Variants in NCKAP5 observed in about 807,000 individuals in gnomAD.
The protein encoded by NCKAP5 is NCK associated protein 5, also known as nck-associated protein 5.
NCKAP5 carries 92 observed loss-of-function variants against 167.0 expected under a neutral mutation model. That is an observed-to-expected ratio of 0.55 (90% CI 0.47 to 0.66). The LOEUF (loss-of-function observed/expected upper bound fraction) is 0.66. Ranked by LOEUF, NCKAP5 falls within the 30% of genes least tolerant of loss-of-function variation. The pLI is 0.00. For synonymous variants in NCKAP5, 891 were observed against 877.4 expected, an observed-to-expected ratio of 1.02 and a Z score of -0.27; for missense variants, 2,378 against 2,315.0, an observed-to-expected ratio of 1.03 and a Z score of -0.56.
chr2:133,208,891 C>T (rs974606826), intron 5 of NCKAP5, among the ~76,000 whole-genome samples: 3 of 151,970 alleles, frequency 2.0e-5, no homozygotes, highest in Admixed American at 1.3e-4. Context: ...TCAACAGAAA[C>T]GTATAAGCAG....
chr2:132,957,297 T>C (rs1253205999), intron 8 of NCKAP5, among the ~76,000 whole-genome samples: 1 of 152,206 alleles, frequency 6.6e-6, no homozygotes, highest in African/African-American at 2.4e-5. Flanking sequence ...CCTTCTCACT[T>C]TTTTCCTTGT....
chr2:133,061,864 C>G (rs2080016734), intron 6 of NCKAP5, among the ~76,000 whole-genome samples: 1 of 152,176 alleles, frequency 6.6e-6, no homozygotes, highest in Non-Finnish European at 1.5e-5. Flanking sequence ...TTGAGCCCCT[C>G]ACCACCTCCT....
intron 3 of NCKAP5, among the ~76,000 whole-genome samples, chr2:133,413,914 A>T (rs1375805073): frequency 6.6e-6 from 1 of 152,210 alleles, no homozygotes; most frequent in East Asian, 1.9e-4. Flanking sequence ...GGAGTTAAAG[A>T]CTTGGCCGTC....
At chr2:133,366,421 A>G (rs1221540197) in intron 3 of NCKAP5, among the ~76,000 whole-genome samples, 1 of 151,816 alleles carries the variant, frequency 6.6e-6, no homozygotes, top group Non-Finnish European at 1.5e-5. Flanking sequence ...TTCTGCCTCA[A>G]CCTCCCGAGT....
intron 6 of NCKAP5, among the ~76,000 whole-genome samples, chr2:133,053,432 G>A (rs186931636): frequency 9.8e-4 from 149 of 152,210 alleles, no homozygotes; most frequent in Non-Finnish European, 1.9e-3. Context: ...ATCTACTTGC[G>A]AACTATCCTA....
chr2:133,113,048 G>A (rs975834633), intron 6 of NCKAP5, among the ~76,000 whole-genome samples: 1 of 152,148 alleles, frequency 6.6e-6, no homozygotes, highest in Non-Finnish European at 1.5e-5. Context: ...GAAACTTTGT[G>A]TTCTAGGGAA....
At chr2:133,095,874 A>C (rs902029523) in intron 6 of NCKAP5, among the ~76,000 whole-genome samples, 5 of 152,166 alleles carry the variant, frequency 3.3e-5, no homozygotes, top group Admixed American at 6.5e-5. Flanking sequence ...AAACTGGTCT[A>C]ATATCAGCAA....
intron 6 of NCKAP5, among the ~76,000 whole-genome samples, chr2:133,100,511 G>C (rs772893706): frequency 6.6e-6 from 1 of 152,148 alleles, no homozygotes; most frequent in South Asian, 2.1e-4. Flanking sequence ...CCAGAGTCCA[G>C]ACGTGGTAGG....
At chr2:132,695,595 C>T (rs1163068053) in intron 19 of NCKAP5, among the ~76,000 whole-genome samples, 1 of 152,140 alleles carries the variant, frequency 6.6e-6, no homozygotes, top group Non-Finnish European at 1.5e-5. Flanking sequence ...ATGTGCCAGT[C>T]TTAATTCTAC....
At chr2:132,732,214 T>TG (rs1691091987) in intron 16 of NCKAP5, among the ~76,000 whole-genome samples, 163 bp from the exon 17 acceptor site, 1 of 147,650 alleles carries the variant, frequency 6.8e-6, no homozygotes, top group African/African-American at 2.5e-5. Flanking sequence ...ACACCGCTTG[T>TG]TCTCACTCAT....
chr2:133,243,705 T>C (rs2087838229), intron 4 of NCKAP5, among the ~76,000 whole-genome samples: 1 of 152,244 alleles, frequency 6.6e-6, no homozygotes, highest in Non-Finnish European at 1.5e-5. Context: ...AGAATACACA[T>C]GAATGTACTT....
chr2:132,705,592 G>A (rs1338438308), intron 19 of NCKAP5, among the ~76,000 whole-genome samples: 1 of 152,088 alleles, frequency 6.6e-6, no homozygotes, highest in African/African-American at 2.4e-5. Context: ...TAAAATGTAA[G>A]TTGCTTTGCA....
In NCKAP5 at chr2:133,072,352, T is replaced by A. The variant is rs553991670; in HGVS notation, c.341+57626A>T. 2.6e-5 allele frequency among the ~76,000 whole-genome samples: 4 copies of A among 152,174 alleles called. No homozygotes were observed. In the East Asian group the frequency reaches 7.7e-4, roughly 29 times the overall value. Reference sequence around the variant, plus strand: ...CTCCTGATCCTTTCCCTCTCTGCCCTCCCTTCATTTCCTCCAACATCTCAC... The same window carrying A: ...CTCCTGATCCTTTCCCTCTCTGCCCACCCTTCATTTCCTCCAACATCTCAC... On this transcript the variant is annotated intron_variant, in intron 6 of 19. Transcript: ENST00000409261.
intron 6 of NCKAP5, among the ~76,000 whole-genome samples, chr2:133,086,234 A>C (rs1196904745): frequency 2.0e-5 from 3 of 152,306 alleles, no homozygotes; most frequent in South Asian, 2.1e-4. Flanking sequence ...GACAAGATAA[A>C]CTCAGCTGAG....
chr2:133,487,807 G>A (rs866683477), intron 3 of NCKAP5, among the ~76,000 whole-genome samples: 3 of 152,140 alleles, frequency 2.0e-5, no homozygotes, highest in Non-Finnish European at 2.9e-5. Context: ...CCAGAAAGAC[G>A]TAAAGTCCAG....
chr2:132,727,999 C>G (rs1229541231), intron 18 of NCKAP5, among the ~76,000 whole-genome samples: 1 of 152,156 alleles, frequency 6.6e-6, no homozygotes, highest in Non-Finnish European at 1.5e-5. Flanking sequence ...CTCTTGATAC[C>G]AGACCTGGGA....
intron 3 of NCKAP5, among the ~76,000 whole-genome samples, chr2:133,336,114 G>A (rs993187472): frequency 4.6e-5 from 7 of 152,032 alleles, no homozygotes; most frequent in Non-Finnish European, 8.8e-5. Flanking sequence ...TCTGTCCACC[G>A]AAATAGCCAT....
intron 16 of NCKAP5, among the ~76,000 whole-genome samples, chr2:132,770,164 A>G (rs1233043551): frequency 6.6e-6 from 1 of 152,104 alleles, no homozygotes; most frequent in Non-Finnish European, 1.5e-5. Context: ...ATAGATCCCA[A>G]GAGTTCTTCT....
intron 5 of NCKAP5, among the ~76,000 whole-genome samples, chr2:133,144,011 C>T (rs2083096449): frequency 6.6e-6 from 1 of 152,056 alleles, no homozygotes; most frequent in Non-Finnish European, 1.5e-5. Context: ...TCTCCCTTTC[C>T]AGGACCTTGT....
Sources: allele counts gnomAD v4.1 joint callset (sites outside exome capture counted in the v4.1 genomes callset), GRCh38; gene constraint gnomAD v4.1.1; transcripts MANE v1.5; gene names NCBI Gene and HGNC (gene_info 2026-07-23, HGNC 2026-07-21).